The following SYTL5 variants were observed in gnomAD, a reference collection of about 807,000 sequenced individuals.
The protein encoded by SYTL5 is synaptotagmin-like protein 5.
SYTL5 carries 34 observed loss-of-function variants against 55.9 expected under a neutral mutation model. The ratio of observed to expected loss-of-function variants is 0.61; its 90% confidence interval spans 0.46 to 0.81. The LOEUF (loss-of-function observed/expected upper bound fraction) is 0.81. SYTL5 is among the 30% of genes least tolerant of loss of function. SYTL5 has a pLI of 0.00. For missense variants in SYTL5, 637 were observed against 546.7 expected, an observed-to-expected ratio of 1.17 and a Z score of -1.65; for synonymous variants, 221 against 188.7, an observed-to-expected ratio of 1.17 and a Z score of -1.40.
chrX:37,908,767 A>G, the SYTL5 span, among the ~76,000 whole-genome samples: 1 of 110,887 alleles, frequency 9.0e-6, no homozygotes, highest in African/African-American at 3.3e-5. Flanking sequence ...TAGGGTTTCT[A>G]TTAAGTATGG....
chrX:37,984,009 T>C, the SYTL5 span, among the ~76,000 whole-genome samples: 1 of 111,488 alleles, frequency 9.0e-6, no homozygotes, highest in Non-Finnish European at 1.9e-5. Context: ...GGGAAATGTA[T>C]AGATGTAAAC....
At chrX:38,016,424 A>G (rs1934357271) in intron 1 of SYTL5, among the ~76,000 whole-genome samples, 1 of 111,844 alleles carries the variant, frequency 8.9e-6, no homozygotes, top group Non-Finnish European at 1.9e-5. Context: ...AATCAGACTT[A>G]TAGGAATCCT....
intron 14 of SYTL5, among the ~76,000 whole-genome samples, chrX:38,121,021 A>T (rs1208634575): frequency 1.8e-5 from 2 of 111,930 alleles, no homozygotes; most frequent in African/African-American, 3.3e-5. Context: ...TAAAACAGGC[A>T]TCTGTGTCTG....
At chrX:38,037,517 T>A (rs5963378) in intron 2 of SYTL5, among the ~76,000 whole-genome samples, 25,631 of 110,921 alleles carry the variant, frequency 0.23, 5,303 homozygotes, top group African/African-American at 0.66. Context: ...AGAATTTTGG[T>A]TCATTTGATT....
chrX:38,045,642 G>C lies in SYTL5; in HGVS notation c.120-8571G>C, dbSNP rs1935438629. On this transcript the variant is annotated intron_variant, in intron 2 of 16. Coordinates refer to ENST00000297875, the MANE Select transcript of SYTL5 (RefSeq NM_138780.3). ...ATTTGTAAACATGAAATTGGCACAA[G>C]TCACAAGACTTCTTTATCTAAACAA... 2.7e-5 allele frequency among the ~76,000 whole-genome samples: 3 copies of C among 112,027 alleles called. No homozygotes were observed. The Admixed American group carries it at 2.9e-4, about 11-fold the overall frequency.
chrX:37,912,381 C>T, the SYTL5 span, among the ~76,000 whole-genome samples: 11 of 112,321 alleles, frequency 9.8e-5, no homozygotes, highest in African/African-American at 3.2e-4. Context: ...TCATGCTCAG[C>T]AGTCAGCCTT....
At chrX:37,986,188 T>C in the SYTL5 span, among the ~76,000 whole-genome samples, 1 of 111,522 alleles carries the variant, frequency 9.0e-6, no homozygotes, top group South Asian at 3.8e-4. Context: ...TAAAAACTTT[T>C]GTGTTTCAAA....
the SYTL5 span, among the ~76,000 whole-genome samples, chrX:37,915,145 C>CGT: frequency 6.6e-3 from 736 of 111,330 alleles, 5 homozygotes; most frequent in Non-Finnish European, 9.5e-3. Context: ...CTCCTTGTTT[C>CGT]GTGTGTGTGT....
At chrX:38,097,086 A>G (rs759521057) in intron 9 of SYTL5, among the ~76,000 whole-genome samples, 2 of 111,351 alleles carry the variant, frequency 1.8e-5, no homozygotes, top group South Asian at 7.4e-4. Flanking sequence ...CTTGATTTTT[A>G]AAATAGTTTG....
chrX:37,979,543 T>C, the SYTL5 span, among the ~76,000 whole-genome samples: 1 of 97,958 alleles, frequency 1.0e-5, no homozygotes, highest in African/African-American at 3.8e-5. Flanking sequence ...AGATAGACTA[T>C]CTTTCTGACT....
intron 13 of SYTL5, among the ~76,000 whole-genome samples, chrX:38,118,151 C>A (rs1937522154): frequency 9.0e-6 from 1 of 111,512 alleles, no homozygotes; most frequent in African/African-American, 3.3e-5. Context: ...CTAAAATAAT[C>A]AGATTAAATA....
chrX:37,941,171 A>G, the SYTL5 span, among the ~76,000 whole-genome samples: 5 of 111,967 alleles, frequency 4.5e-5, no homozygotes, highest in African/African-American at 1.3e-4. Context: ...AAGGACAAGT[A>G]AAATGCATCG....
the SYTL5 span, among the ~76,000 whole-genome samples, chrX:37,972,332 A>AATTAG: frequency 9.0e-6 from 1 of 111,549 alleles, no homozygotes; most frequent in Non-Finnish European, 1.9e-5. Flanking sequence ...TCTGAACTAG[A>AATTAG]ATTAGGATCC....
At chrX:37,913,917 A>T in the SYTL5 span, among the ~76,000 whole-genome samples, 1 of 111,309 alleles carries the variant, frequency 9.0e-6, no homozygotes, top group Non-Finnish European at 1.9e-5. Context: ...CTACATTGAA[A>T]CTCTTGTTTC....
At chrX:37,975,015 G>A in the SYTL5 span, among the ~76,000 whole-genome samples, 28 of 112,041 alleles carry the variant, frequency 2.5e-4, no homozygotes, top group Admixed American at 1.8e-3. Context: ...CAGGGTTTGC[G>A]TGAACATAGT....
chrX:37,930,786 A>G, the SYTL5 span, among the ~76,000 whole-genome samples: 2 of 112,362 alleles, frequency 1.8e-5, no homozygotes, highest in African/African-American at 3.2e-5. Context: ...TCTCTCTACT[A>G]TAATGCTGTG....
At chrX:38,118,952 C>CATATAT (rs36070047) in intron 13 of SYTL5, among the ~76,000 whole-genome samples, 2,972 of 89,661 alleles carry the variant, frequency 0.033, 65 homozygotes, top group African/African-American at 0.049. Context: ...TACGCATATA[C>CATATAT]ATATATATAT....
At chrX:37,891,290 CT>C in the SYTL5 span, among the ~76,000 whole-genome samples, 1 of 112,313 alleles carries the variant, frequency 8.9e-6, no homozygotes, top group African/African-American at 3.2e-5. Context: ...TGAAATATTA[CT>C]CAACAAAATA....
At chrX:37,910,929 G>A in the SYTL5 span, among the ~76,000 whole-genome samples, 1 of 106,088 alleles carries the variant, frequency 9.4e-6, no homozygotes, top group Non-Finnish European at 1.9e-5. Context: ...ATACATCATT[G>A]TATGTGAAGT....
Sources: allele counts gnomAD v4.1 joint callset (sites outside exome capture counted in the v4.1 genomes callset), GRCh38; gene constraint gnomAD v4.1.1; transcripts MANE v1.5; gene names NCBI Gene and HGNC (gene_info 2026-07-23, HGNC 2026-07-21).